PARP4: variants seen among roughly 807,000 people sequenced by gnomAD.
PARP4 encodes protein mono-ADP-ribosyltransferase PARP4.
In PARP4, 120 loss-of-function variants were observed where a neutral mutation model predicts 187.7. The observed-to-expected ratio is 0.64, with a 90% CI of 0.55 to 0.74. PARP4 has a LOEUF of 0.74. Among genes scored for constraint, PARP4 ranks in the 30% least tolerant of loss-of-function variants. PARP4 has a pLI of 0.00. For missense variants in PARP4, 1,836 were observed against 2,070.5 expected, an observed-to-expected ratio of 0.89 and a Z score of 2.20; for synonymous variants, 654 against 740.9, an observed-to-expected ratio of 0.88 and a Z score of 1.90.
Position 24,495,814 on chromosome 13 carries a change from C to T in PARP4, c.592-1092G>A, listed in dbSNP as rs138454691. Among the ~76,000 whole-genome samples the T allele has an allele frequency of 6.6e-4, 100 of 152,100 alleles. No individual in the cohort carries two copies. In the East Asian group the frequency reaches 0.015, roughly 23 times the overall value. On this transcript the variant is annotated intron_variant, in intron 6 of 33. Transcript: ENST00000381989. ...CCTGTTGAAGTCACTCCATTTAAGA[C>T]GGTAGAGTTTAACATAATTTTGGAA...
Position 24,498,173 on chromosome 13 carries a change from G to A in PARP4, c.534C>T (p.Asp178=), listed in dbSNP as rs1483310565. Residue 178 remains aspartate, a synonymous_variant, in exon 6 of 34, where the codon GAC becomes GAT. Transcript: ENST00000381989. The part of the protein sequence containing the change: ...AVVVELQCSR[D]SRDCPFLISS... ...ATATCAGGAAAGGACAGTCCCTGGA[G>A]TCCCGCGAACACTGAAGCTCCACCA... 7 of 1,613,958 alleles carry A rather than the reference G, an allele frequency of 4.3e-6. No individual in the cohort carries two copies. Among genetic ancestry groups the A allele is most frequent in the Non-Finnish European group, 5.9e-6 (7 of 1,179,982 alleles).
At chr13:24,492,349 C>T in intron 9 of PARP4, 72 bp downstream of exon 9, 1 of 1,041,326 alleles carries the variant, frequency 9.6e-7, no homozygotes, top group Admixed American at 2.3e-5. Flanking sequence ...TTACCTCATT[C>T]ATCAGATTTC....
intron 11 of PARP4, 91 bp downstream of exon 11, chr13:24,486,077 C>T (rs548943460): frequency 2.7e-5 from 31 of 1,145,172 alleles, no homozygotes; most frequent in African/African-American, 9.4e-5. Context: ...AAAAGACTCA[C>T]GTAATATAGA....
At chr13:24,507,020 C>T (rs1175237973) in intron 1 of PARP4, among the ~76,000 whole-genome samples, 1 of 152,224 alleles carries the variant, frequency 6.6e-6, no homozygotes, top group African/African-American at 2.4e-5. Context: ...GCTGGGGTAC[C>T]CGGCACACCC....
intron 1 of PARP4, among the ~76,000 whole-genome samples, chr13:24,510,772 C>G (rs1869975296): frequency 6.9e-6 from 1 of 145,922 alleles, no homozygotes; most frequent in South Asian, 2.1e-4. Context: ...AGTACATACA[C>G]ATAGTTGTGA....
rs768563949 is a variant in PARP4, at chr13:24,469,054, A to G, written c.2103T>C (p.His701=). The G allele has an allele frequency of 6.2e-7, 1 of 1,613,818 alleles. No individual in the cohort carries two copies. The highest frequency in any genetic ancestry group is 1.3e-5 in the African/African-American group (1 of 74,920). ...QEYLEAVTQG[H]GAYLMSQDAP... Reference sequence around the variant, plus strand: ...CATCCTGACTCATCAGGTAAGCGCCATGGCCCTGGGTCACGGCTTCTAGGT... The same window carrying G: ...CATCCTGACTCATCAGGTAAGCGCCGTGGCCCTGGGTCACGGCTTCTAGGT... Residue 701 remains histidine (H), a synonymous_variant, in exon 17 of 34, where the codon CAT becomes CAC. Coordinates refer to ENST00000381989, the MANE Select transcript of PARP4 (RefSeq NM_006437.4).
chr13:24,506,834 T>G (rs1291799987), intron 1 of PARP4, among the ~76,000 whole-genome samples: 1 of 152,140 alleles, frequency 6.6e-6, no homozygotes, highest in Admixed American at 6.5e-5. Context: ...CCTCAGCCCT[T>G]GGGTGGTCGA....
intron 30 of PARP4, among the ~76,000 whole-genome samples, chr13:24,438,189 C>A (rs1041089739): frequency 2.0e-5 from 3 of 152,230 alleles, no homozygotes; most frequent in African/African-American, 4.8e-5. Context: ...ACCTTTATGG[C>A]AGTGGGGACT....
chr13:24,486,980 G>A (rs1323717166), intron 10 of PARP4, among the ~76,000 whole-genome samples: 2 of 151,836 alleles, frequency 1.3e-5, no homozygotes, highest in South Asian at 2.1e-4. Context: ...GAAAGTTATC[G>A]GCCGGGCATG....
chr13:24,502,398 T>C (rs1443643078), intron 2 of PARP4, among the ~76,000 whole-genome samples: 11 of 152,210 alleles, frequency 7.2e-5, no homozygotes, highest in Admixed American at 7.2e-4. Context: ...AATAAAATAA[T>C]GACGACGTAT....
Position 24,455,008 on chromosome 13 carries a change from C to A in PARP4, c.2758+9G>T. ...AGCACACGCAGGACCAGGGCCAAAG[C>A]GCACTCACCTGTGCCGAACTGGATA... On this transcript the variant is annotated intron_variant, in intron 22 of 33. Transcript: ENST00000381989. 6.4e-7 allele frequency: 1 copy of A among 1,564,860 alleles called. No homozygotes were observed. Among genetic ancestry groups the A allele is most frequent in the South Asian group, 1.2e-5 (1 of 86,388 alleles).
At chr13:24,445,364 G>T (rs554327360) in intron 27 of PARP4, among the ~76,000 whole-genome samples, 1 of 152,014 alleles carries the variant, frequency 6.6e-6, no homozygotes, top group Non-Finnish European at 1.5e-5. Context: ...ATGAGGGCTG[G>T]TTGCTGGGGA....
chr13:24,461,105 G>C (rs1872197537), intron 17 of PARP4, among the ~76,000 whole-genome samples: 1 of 152,156 alleles, frequency 6.6e-6, no homozygotes, highest in Non-Finnish European at 1.5e-5. Context: ...TAACTATGCA[G>C]AGATCCTCTC....
intron 1 of PARP4, among the ~76,000 whole-genome samples, chr13:24,506,200 A>C (rs1226228525): frequency 6.6e-6 from 1 of 151,444 alleles, no homozygotes; most frequent in Non-Finnish European, 1.5e-5. Context: ...CCTCGCAGTG[A>C]GCGTTACAGT....
intron 8 of PARP4, 132 bp downstream of exon 8, chr13:24,493,464 G>C (rs997761434): frequency 1.5e-5 from 12 of 816,168 alleles, no homozygotes; most frequent in Non-Finnish European, 2.0e-5. Flanking sequence ...TTCAGTACCG[G>C]TACAAGGAAA....
intron 31 of PARP4, 77 bp from the exon 32 acceptor site, chr13:24,431,553 A>G: frequency 1.1e-6 from 1 of 906,388 alleles, no homozygotes; most frequent in South Asian, 1.5e-5. Context: ...TGGGGGAAGG[A>G]GTGGGGCAAG....
intron 33 of PARP4, among the ~76,000 whole-genome samples, chr13:24,425,146 C>G (rs1184584011): frequency 6.6e-6 from 1 of 151,964 alleles, no homozygotes; most frequent in African/African-American, 2.4e-5. Flanking sequence ...TACAAAAATA[C>G]CAAAATTAGC....
intron 20 of PARP4, among the ~76,000 whole-genome samples, chr13:24,458,715 T>C (rs9578738): frequency 0.13 from 19,620 of 152,054 alleles, 1,505 homozygotes; most frequent in African/African-American, 0.19. Context: ...GGAAAAGTAG[T>C]GAGTTAGGTG....
At chr13:24,431,330 T>G in intron 32 of PARP4, 47 bp downstream of exon 32, 1 of 1,022,230 alleles carries the variant, frequency 9.8e-7, no homozygotes. Flanking sequence ...GCATGCTTAT[T>G]AATGAATGAA....
Sources: gnomAD v4.1 joint callset for allele counts (sites outside exome capture counted in the v4.1 genomes callset) on GRCh38, gnomAD v4.1.1 for gene constraint, MANE v1.5 for transcripts, NCBI Gene and HGNC (gene_info 2026-07-23, HGNC 2026-07-21) for gene names.